Variants in NRG2 observed in about 807,000 individuals in gnomAD.
The protein encoded by NRG2 is neuregulin 2, also known as pro-neuregulin-2, membrane-bound isoform.
In NRG2, 27 loss-of-function variants were observed where a neutral mutation model predicts 73.9. The observed-to-expected ratio is 0.37, with a 90% CI of 0.27 to 0.50. The LOEUF (loss-of-function observed/expected upper bound fraction) is 0.50. NRG2 is among the 20% of genes least tolerant of loss of function. The probability of loss-of-function intolerance (pLI) is 0.96; values close to 1 mark genes in which losing one functional copy is unlikely to be tolerated. For synonymous variants in NRG2, 532 were observed against 541.0 expected, an observed-to-expected ratio of 0.98 and a Z score of 0.23; for missense variants, 1,126 against 1,210.1, an observed-to-expected ratio of 0.93 and a Z score of 1.03.
chr5:139,984,034 A>G (rs1037056831), intron 1 of NRG2, among the ~76,000 whole-genome samples: 5 of 152,230 alleles, frequency 3.3e-5, no homozygotes, highest in African/African-American at 1.2e-4. Flanking sequence ...ATTTACATTA[A>G]TAATGAATGA....
At chr5:140,035,896 T>G (rs894903228) in intron 1 of NRG2, among the ~76,000 whole-genome samples, 1 of 152,094 alleles carries the variant, frequency 6.6e-6, no homozygotes, top group Non-Finnish European at 1.5e-5. Context: ...AAAAAAAAAG[T>G]AATCTGATCA....
intron 1 of NRG2, among the ~76,000 whole-genome samples, chr5:139,907,965 T>G (rs1765343756): frequency 6.6e-6 from 1 of 152,244 alleles, no homozygotes; most frequent in Non-Finnish European, 1.5e-5. Context: ...ACACATTTTC[T>G]CTCTTGTTAT....
intron 2 of NRG2, among the ~76,000 whole-genome samples, chr5:139,881,924 T>C (rs1439858783): frequency 1.3e-5 from 2 of 152,164 alleles, no homozygotes; most frequent in Admixed American, 1.3e-4. Context: ...CCCAGGGTGC[T>C]TAGGCTCTGC....
chr5:139,908,832 G>A (rs555594896), intron 1 of NRG2, among the ~76,000 whole-genome samples: 2 of 152,360 alleles, frequency 1.3e-5, no homozygotes, highest in East Asian at 3.9e-4. Context: ...GCACCCTGGG[G>A]CATGCCAGCT....
At chr5:139,985,953 A>G (rs1028264506) in intron 1 of NRG2, among the ~76,000 whole-genome samples, 2 of 152,196 alleles carry the variant, frequency 1.3e-5, no homozygotes, top group Admixed American at 6.5e-5. Context: ...AAGACTAGAT[A>G]GAATGTGGCA....
At chr5:139,987,704 G>C (rs1387503416) in intron 1 of NRG2, among the ~76,000 whole-genome samples, 1 of 151,442 alleles carries the variant, frequency 6.6e-6, no homozygotes, top group East Asian at 1.9e-4. Flanking sequence ...AGCTAACTTG[G>C]TAATATGTAT....
intron 1 of NRG2, among the ~76,000 whole-genome samples, chr5:139,955,020 G>A (rs1561706010): frequency 6.6e-6 from 1 of 152,184 alleles, no homozygotes. Context: ...CTCAATTCAT[G>A]TATGTTTAAA....
intron 6 of NRG2, among the ~76,000 whole-genome samples, chr5:139,854,303 C>T (rs1761677011): frequency 1.3e-5 from 2 of 152,234 alleles, no homozygotes; most frequent in African/African-American, 4.8e-5. Flanking sequence ...AACTCTTGTT[C>T]ACCTCTCAGG....
At position 139,904,021 on chromosome 5, in the gene NRG2, G is replaced by A. The variant is rs988030587; in HGVS notation, c.701-16510C>T. On this transcript the variant is annotated intron_variant, in intron 1 of 9. Transcript: ENST00000361474. This position sits in a 1 kb window ranked among gnomAD's most constrained non-coding sequence, Gnocchi z 6.0. ...CATCCCCGCTCGCTCAGGGCTGCTC[G>A]CCTGCAGGCCGGTACCGGCGTGCAG... 2.4e-4 allele frequency among the ~76,000 whole-genome samples: 36 copies of A among 152,178 alleles called. No individual in the cohort carries two copies. Among genetic ancestry groups the A allele is most frequent in the Non-Finnish European group, 4.0e-4 (27 of 68,026 alleles).
At chr5:139,994,061 G>C in intron 1 of NRG2, among the ~76,000 whole-genome samples, 1 of 152,190 alleles carries the variant, frequency 6.6e-6, no homozygotes, top group Non-Finnish European at 1.5e-5. Flanking sequence ...AAAAATGTAT[G>C]ATTTATTTGA....
In NRG2 at chr5:139,940,421, T is replaced by C. The variant is rs149249751; in HGVS notation, c.701-52910A>G. On this transcript the variant is annotated intron_variant, in intron 1 of 9. Transcript: ENST00000361474. ...AATTATTGCTTGGGGCATGAGAAAT[T>C]TTTTTGTGAGTAATGGAAACATCCT... 1.7e-3 allele frequency among the ~76,000 whole-genome samples: 265 copies of C among 152,326 alleles called. 1 individual carries two copies. Among genetic ancestry groups the C allele is most frequent in the African/African-American group, 6.1e-3 (254 of 41,576 alleles).
chr5:139,975,808 G>A (rs1337492484), intron 1 of NRG2, among the ~76,000 whole-genome samples: 1 of 152,192 alleles, frequency 6.6e-6, no homozygotes, highest in Non-Finnish European at 1.5e-5. Context: ...GTATCCTGGG[G>A]CTGAACATGC....
At chr5:139,947,521 GAAT>G (rs1753886866) in intron 1 of NRG2, among the ~76,000 whole-genome samples, 1 of 152,000 alleles carries the variant, frequency 6.6e-6, no homozygotes, top group Non-Finnish European at 1.5e-5. Flanking sequence ...TGTTTATTAC[GAAT>G]AATGCTTCTG....
At chr5:139,890,588 T>C (rs1310672069) in intron 1 of NRG2, among the ~76,000 whole-genome samples, 1 of 151,836 alleles carries the variant, frequency 6.6e-6, no homozygotes, top group African/African-American at 2.4e-5. Flanking sequence ...TTATCTTCCT[T>C]CCCTTACCCA....
Position 139,852,337 on chromosome 5 carries a change from G to T in NRG2, c.1544+95C>A. ...ATTCCTGTGGCAAGCTCAGGGGAGG[G>T]TATTGAATAGCTCTGGATGTCGGAG... On this transcript the variant is annotated intron_variant, in intron 8 of 9. Transcript: ENST00000361474. This position sits in a 1 kb window ranked among gnomAD's most constrained non-coding sequence, Gnocchi z 4.4. The T allele has an allele frequency of 1.4e-6, 2 of 1,475,636 alleles. No homozygotes were observed. The highest frequency in any genetic ancestry group is 1.4e-5 in the African/African-American group (1 of 71,768). 91.4% of individuals were successfully genotyped at this position (1,475,636 alleles called of 1,614,324 possible).
intron 1 of NRG2, among the ~76,000 whole-genome samples, chr5:139,956,487 C>T (rs981200166): frequency 6.6e-6 from 1 of 152,162 alleles, no homozygotes; most frequent in Non-Finnish European, 1.5e-5. Flanking sequence ...AAGGATCAAG[C>T]TGTTGCCTCT....
rs559408998 is a variant in NRG2 at position 139,989,878 on chromosome 5, T to TC, written c.700+52491dup. Among the ~76,000 whole-genome samples the TC allele has an allele frequency of 8.2e-3, 1,238 of 151,568 alleles. 21 individuals are homozygous for TC. The highest frequency in any genetic ancestry group is 0.014 in the Middle Eastern group (4 of 294). ...ATCTCGGCTCACTGCAAGCTCCGCC[T>TC]CCTGGGTTCATGCCATTCTCCTGCC... On this transcript the variant is annotated intron_variant, in intron 1 of 9. Transcript: ENST00000361474.
At chr5:139,966,574 G>A (rs1755535883) in intron 1 of NRG2, among the ~76,000 whole-genome samples, 1 of 152,152 alleles carries the variant, frequency 6.6e-6, no homozygotes, top group African/African-American at 2.4e-5. Context: ...AGCAAAGACT[G>A]GAGGAGGAAA....
chr5:139,858,771 G>A (rs528256641), intron 5 of NRG2, among the ~76,000 whole-genome samples: 91 of 152,150 alleles, frequency 6.0e-4, no homozygotes, highest in African/African-American at 2.1e-3. Context: ...CAACACACAC[G>A]TACCTGCAGA....
Sources: allele counts gnomAD v4.1 joint callset (sites outside exome capture counted in the v4.1 genomes callset), GRCh38; gene constraint gnomAD v4.1.1; non-coding constraint Gnocchi (gnomAD v3.1); transcripts MANE v1.5; gene names NCBI Gene and HGNC (gene_info 2026-07-23, HGNC 2026-07-21).